Variants in SLC35A3 observed in about 807,000 individuals in gnomAD.
The protein encoded by SLC35A3 is solute carrier family 35 member A3.
Under a neutral mutation model 39.0 loss-of-function variants are expected in SLC35A3, and 26 were observed. The observed-to-expected ratio is 0.67, with a 90% CI of 0.49 to 0.92. The LOEUF (loss-of-function observed/expected upper bound fraction) is 0.92, where lower values mean the gene tolerates loss of function less well. SLC35A3 is among the 40% of genes least tolerant of loss of function. SLC35A3 has a pLI of 0.00. For missense variants in SLC35A3, 299 were observed against 371.6 expected (o/e 0.80, Z 1.61); for synonymous variants, 135 against 133.1 (o/e 1.01, Z -0.10).
At position 99,990,296 on chromosome 1, in the gene SLC35A3, C is replaced by T. The variant is rs547102657; in HGVS notation, c.-18-3241C>T. On this transcript the variant is annotated intron_variant, in intron 1 of 7. Coordinates refer to ENST00000533028, the MANE Select transcript of SLC35A3 (RefSeq NM_012243.3). ...TTTTTTAAAAAATACGTATATCTGGCGGGGCACGGTGGCTGAAGCCTGTAA... is the reference window on the plus strand; with the variant it reads ...TTTTTTAAAAAATACGTATATCTGGTGGGGCACGGTGGCTGAAGCCTGTAA... 2.2e-4 allele frequency among the ~76,000 whole-genome samples: 33 copies of T among 152,116 alleles called. No individual in the cohort carries two copies. In the South Asian group the frequency reaches 3.5e-3, roughly 16 times the overall value.
At chr1:99,999,498 G>A (rs572404621) in intron 3 of SLC35A3, 83 bp downstream of exon 3, 3 of 846,220 alleles carry the variant, frequency 3.5e-6, no homozygotes, top group South Asian at 3.7e-5. Flanking sequence ...GGTACATGTG[G>A]TATTTTGATA....
chr1:100,008,898 C>T (rs760836047), intron 4 of SLC35A3: 7 of 152,164 alleles, frequency 4.6e-5, no homozygotes, highest in South Asian at 4.1e-4. Context: ...TGTGTTTCAC[C>T]GCTCTTCCAT....
At position 100,015,152 on chromosome 1, in the gene SLC35A3, C is replaced by T. The variant is rs1967412; in HGVS notation, c.635-150C>T. ...CAGCCTGGGCAACAGAGCAAGACTCCGTCTCAAAAAAAAAAAAAAAAAAAA... is the reference window on the plus strand; with the variant it reads ...CAGCCTGGGCAACAGAGCAAGACTCTGTCTCAAAAAAAAAAAAAAAAAAAA... On this transcript the variant is annotated intron_variant, in intron 5 of 7. Coordinates refer to ENST00000533028, the MANE Select transcript of SLC35A3 (RefSeq NM_012243.3). 253,230 of 684,140 alleles carry T rather than the reference C, an allele frequency of 0.37. 54,332 individuals are homozygous for T. Among genetic ancestry groups the T allele is most frequent in the East Asian group, 0.64 (16,337 of 25,562 alleles). The allele number at this position is 684,140 out of a possible 1,614,324, so 42.4% of individuals were successfully genotyped here.
rs1221086070 is a variant in SLC35A3 at position 99,997,408 on chromosome 1, TTTTATATATATATATATATA to T, written c.188-1851_188-1832del. Among the ~76,000 whole-genome samples, 488 of 55,720 alleles carry T rather than the reference TTTTATATATATATATATATA, an allele frequency of 8.8e-3. 8 individuals are homozygous for T. The highest frequency in any genetic ancestry group is 0.013 in the Non-Finnish European group (380 of 30,208). The allele number at this position is 55,720 out of a possible 152,430, so 36.6% of individuals were successfully genotyped here. A position where few individuals can be genotyped will look rare whatever the true frequency, so the allele number is the denominator to read the frequency against. The stretch of plus-strand genomic sequence containing the variant: ...ATACAGTTATATGTTTTATATATAG[TTTTATATATATATATATATA>T]TATATATATATATATATATATATAT... On this transcript the variant is annotated intron_variant, in intron 2 of 7. Coordinates refer to ENST00000533028, the MANE Select transcript of SLC35A3 (RefSeq NM_012243.3).
At chr1:99,974,091 C>G (rs1656972104) in intron 1 of SLC35A3, among the ~76,000 whole-genome samples, 1 of 151,540 alleles carries the variant, frequency 6.6e-6, no homozygotes, top group African/African-American at 2.4e-5. Context: ...GCTCATTCCA[C>G]AAAGTATCTA....
At chr1:99,972,259 G>T (rs551569217) in intron 1 of SLC35A3, among the ~76,000 whole-genome samples, 1 of 151,148 alleles carries the variant, frequency 6.6e-6, no homozygotes, top group South Asian at 2.1e-4. Context: ...TGTTAAATTT[G>T]CATTGTAATT....
chr1:99,982,856 C>T (rs1179279824), intron 1 of SLC35A3, among the ~76,000 whole-genome samples: 1 of 152,006 alleles, frequency 6.6e-6, no homozygotes, highest in African/African-American at 2.4e-5. Flanking sequence ...AAATATCAAA[C>T]ATCCAAAAAT....
At chr1:100,004,516 G>T (rs942946517) in intron 3 of SLC35A3, among the ~76,000 whole-genome samples, 58 of 151,988 alleles carry the variant, frequency 3.8e-4, no homozygotes, top group African/African-American at 1.4e-3. Context: ...TCCCAGGGCT[G>T]GTCTTAAACT....
chr1:99,987,592 A>C (rs1015796556), intron 1 of SLC35A3, among the ~76,000 whole-genome samples: 1 of 152,196 alleles, frequency 6.6e-6, no homozygotes, highest in Admixed American at 6.5e-5. Context: ...TTAGGAATAG[A>C]TCTCTCTGTA....
chr1:99,977,483 A>G (rs559519004), intron 1 of SLC35A3, among the ~76,000 whole-genome samples: 1 of 150,808 alleles, frequency 6.6e-6, no homozygotes, highest in South Asian at 2.1e-4. Context: ...TAGAGGTTGC[A>G]GTGAGCCAAG....
intron 6 of SLC35A3, among the ~76,000 whole-genome samples, chr1:100,016,621 C>T (rs1660151610): frequency 1.3e-5 from 2 of 152,088 alleles, no homozygotes; most frequent in Admixed American, 1.3e-4. Context: ...GATCCGCCCA[C>T]CTCGGCCTCC....
intron 3 of SLC35A3, among the ~76,000 whole-genome samples, chr1:100,004,803 A>G (rs1659091228): frequency 6.6e-6 from 1 of 152,106 alleles, no homozygotes; most frequent in African/African-American, 2.4e-5. Context: ...TCACAGGCAC[A>G]GTTATGGTGC....
intron 2 of SLC35A3, among the ~76,000 whole-genome samples, chr1:99,998,037 T>C (rs951057694): frequency 1.9e-4 from 29 of 152,258 alleles, no homozygotes; most frequent in Non-Finnish European, 3.4e-4. Context: ...TTTTCTTCAG[T>C]CTCAATGTCG....
At position 100,027,235 on chromosome 1, in the gene SLC35A3, T is replaced by C. The variant is rs1229973165; in HGVS notation, c.*4759T>C. ...AGGAAGCCAAGGCAGAAGAATCGCTTGAGCCCATGAATTTGAGGCCAGCCT... is the reference window on the plus strand; with the variant it reads ...AGGAAGCCAAGGCAGAAGAATCGCTCGAGCCCATGAATTTGAGGCCAGCCT... On this transcript the variant is annotated 3_prime_UTR_variant, in exon 8 of 8. Transcript: ENST00000533028. 2.5e-6 allele frequency: 1 copy of C among 398,484 alleles called. No homozygotes were observed. Among genetic ancestry groups the C allele is most frequent in the African/African-American group, 2.1e-5 (1 of 48,626 alleles). The allele number at this position is 398,484 out of a possible 1,614,324, so 24.7% of individuals were successfully genotyped here.
chr1:99,995,578 G>T (rs1658358511), intron 2 of SLC35A3, among the ~76,000 whole-genome samples: 1 of 152,128 alleles, frequency 6.6e-6, no homozygotes. Context: ...TTAAACTATT[G>T]GGTGAATGGG....
chr1:100,001,349 A>G (rs1658783359), intron 3 of SLC35A3, among the ~76,000 whole-genome samples: 1 of 152,008 alleles, frequency 6.6e-6, no homozygotes, highest in South Asian at 2.1e-4. Context: ...AGCATGGTAT[A>G]TCTTCCCATT....
At chr1:99,994,116 A>G (rs553178038) in intron 2 of SLC35A3, among the ~76,000 whole-genome samples, 2 of 152,078 alleles carry the variant, frequency 1.3e-5, no homozygotes, top group African/African-American at 4.8e-5. Context: ...CTAATTTTAT[A>G]TAGTTTTAAA....
Position 100,033,157 on chromosome 1 carries a change from T to C in SLC35A3, c.*10681T>C, listed in dbSNP as rs1661327888. 1 of 152,042 alleles carries C rather than the reference T, an allele frequency of 6.6e-6. No individual in the cohort carries two copies. The highest frequency in any genetic ancestry group is 2.4e-5 in the African/African-American group (1 of 41,378). 9.4% of individuals were successfully genotyped at this position (152,042 alleles called of 1,614,324 possible). ...ATGAATTCAAATTAATATTTACAAC[T>C]AAAATTTAGCAACATGGCCAGGTGC... On this transcript the variant is annotated 3_prime_UTR_variant, in exon 8 of 8. Transcript: ENST00000533028.
Position 100,024,643 on chromosome 1 carries a change from A to C in SLC35A3, c.*2167A>C. 1 of 354,058 alleles carries C rather than the reference A, an allele frequency of 2.8e-6. No individual in the cohort carries two copies. Among genetic ancestry groups the C allele is most frequent in the Non-Finnish European group, 5.0e-6 (1 of 200,764 alleles). 21.9% of individuals were successfully genotyped at this position (354,058 alleles called of 1,614,324 possible). ...ACTTCTTTTTTTTTTTTTTTGAGAC[A>C]GAGTCTCACTTTGTCGCCAGGCTGG... On this transcript the variant is annotated 3_prime_UTR_variant, in exon 8 of 8. Transcript: ENST00000533028.
Sources: allele counts gnomAD v4.1 joint callset (sites outside exome capture counted in the v4.1 genomes callset), GRCh38; gene constraint gnomAD v4.1.1; transcripts MANE v1.5; gene names NCBI Gene and HGNC (gene_info 2026-07-23, HGNC 2026-07-21).